Variants in ITPR2 observed in about 807,000 individuals in gnomAD.
ITPR2 encodes the protein inositol 1,4,5-trisphosphate-gated calcium channel ITPR2.
Under a neutral mutation model 317.1 loss-of-function variants are expected in ITPR2, and 207 were observed. The ratio of observed to expected loss-of-function variants is 0.65; its 90% CI spans 0.58 to 0.73. The LOEUF (loss-of-function observed/expected upper bound fraction) is 0.73. Ranked by LOEUF, ITPR2 falls within the 30% of genes least tolerant of loss-of-function variation. The probability of loss-of-function intolerance (pLI) is 0.00; values close to 1 mark genes in which losing one functional copy is unlikely to be tolerated. For missense variants in ITPR2, 2,613 were observed against 3,284.0 expected (o/e 0.80, Z 4.99); for synonymous variants, 1,156 against 1,149.1 (o/e 1.01, Z -0.12).
chr12:26,765,253 T>A (rs937252773), intron 2 of ITPR2, among the ~76,000 whole-genome samples: 4 of 152,142 alleles, frequency 2.6e-5, no homozygotes, highest in Admixed American at 1.3e-4. Flanking sequence ...ACAACCTATG[T>A]TAATTATAAA....
intron 1 of ITPR2, among the ~76,000 whole-genome samples, chr12:26,817,040 G>T (rs997552602): frequency 2.0e-5 from 3 of 151,882 alleles, no homozygotes; most frequent in Non-Finnish European, 4.4e-5. Flanking sequence ...AATTAGCCGG[G>T]CATGGTGGCA....
intron 21 of ITPR2, among the ~76,000 whole-genome samples, chr12:26,634,394 A>G (rs1946819712): frequency 6.6e-6 from 1 of 152,226 alleles, no homozygotes; most frequent in African/African-American, 2.4e-5. Flanking sequence ...CTTCTCAACC[A>G]TAATTAGTTA....
chr12:26,528,745 G>A (rs531560928), intron 37 of ITPR2, among the ~76,000 whole-genome samples: 2 of 152,276 alleles, frequency 1.3e-5, no homozygotes, highest in South Asian at 4.1e-4. Flanking sequence ...ATTTGTTTGA[G>A]GACACCTGGC....
chr12:26,587,596 G>A (rs1346037190), intron 32 of ITPR2, among the ~76,000 whole-genome samples: 2 of 152,124 alleles, frequency 1.3e-5, no homozygotes, highest in Admixed American at 6.6e-5. Flanking sequence ...AGGACAAGGG[G>A]AAGAAGGGTG....
In ITPR2 at chr12:26,475,435, A is replaced by AG. The variant is rs760741198; in HGVS notation, c.6220-18dup. ...CACATCCACCTATCCAAAAAAAAAA[A>AG]GAATATTGAAATGCCAGAAACAACA... is the stretch of plus-strand genomic sequence containing the variant. On this transcript the variant is annotated splice_polypyrimidine_tract_variant and intron_variant, in intron 44 of 56. Transcript: ENST00000381340. 2 of 1,597,772 alleles carry AG rather than the reference A, an allele frequency of 1.3e-6. No individual in the cohort carries two copies. Among genetic ancestry groups the AG allele is most frequent in the Admixed American group, 3.6e-5 (2 of 56,222 alleles).
intron 55 of ITPR2, among the ~76,000 whole-genome samples, chr12:26,355,236 A>T (rs1938599615): frequency 6.6e-6 from 1 of 152,258 alleles, no homozygotes; most frequent in Admixed American, 6.5e-5. Context: ...CTCATCGTAC[A>T]TGCTGATTTG....
chr12:26,477,034 C>T, intron 43 of ITPR2, 27 bp from the exon 44 acceptor site: 3 of 1,387,452 alleles, frequency 2.2e-6, no homozygotes, highest in Non-Finnish European at 2.0e-6. Flanking sequence ...AGTTAATGTG[C>T]ATGCAAAGTC....
intron 9 of ITPR2, among the ~76,000 whole-genome samples, chr12:26,705,252 T>A (rs1258724774): frequency 6.6e-6 from 1 of 152,182 alleles, no homozygotes; most frequent in Non-Finnish European, 1.5e-5. Context: ...TCCTGCATTC[T>A]GGTTTCCACT....
intron 32 of ITPR2, among the ~76,000 whole-genome samples, chr12:26,586,582 T>G (rs1300121839): frequency 6.6e-6 from 1 of 152,214 alleles, no homozygotes; most frequent in East Asian, 1.9e-4. Flanking sequence ...CTGGTTCAGG[T>G]TTTTTTCTAT....
intron 23 of ITPR2, among the ~76,000 whole-genome samples, chr12:26,626,951 C>T (rs1946635032): frequency 6.6e-6 from 1 of 150,394 alleles, no homozygotes; most frequent in East Asian, 1.9e-4. Flanking sequence ...CCTGACCTGT[C>T]CAAAAAAAAA....
At chr12:26,446,945 G>A (rs1229368442) in intron 45 of ITPR2, among the ~76,000 whole-genome samples, 2 of 151,902 alleles carry the variant, frequency 1.3e-5, no homozygotes, top group African/African-American at 4.8e-5. Flanking sequence ...AGAGGGTCTT[G>A]ACTCATGAGG....
At chr12:26,409,540 T>A (rs1000346863) in intron 52 of ITPR2, among the ~76,000 whole-genome samples, 70 of 151,216 alleles carry the variant, frequency 4.6e-4, no homozygotes, top group Non-Finnish European at 8.8e-5. Context: ...AAAAAAAAAA[T>A]TTCTGTAGCC....
chr12:26,732,473 C>T (rs1279201976), intron 2 of ITPR2, among the ~76,000 whole-genome samples: 1 of 152,130 alleles, frequency 6.6e-6, no homozygotes, highest in Non-Finnish European at 1.5e-5. Context: ...GTAGGGACAC[C>T]AATGCCACAC....
intron 32 of ITPR2, among the ~76,000 whole-genome samples, chr12:26,592,754 C>T (rs1407241043): frequency 1.3e-5 from 2 of 152,208 alleles, no homozygotes; most frequent in African/African-American, 4.8e-5. Flanking sequence ...ATCAGTTCTT[C>T]CAGAATGTCA....
chr12:26,457,547 C>T (rs73085207), intron 45 of ITPR2, among the ~76,000 whole-genome samples: 7,304 of 152,220 alleles, frequency 0.048, 369 homozygotes, highest in African/African-American at 0.12. Flanking sequence ...CTACAGAACG[C>T]GTGGATGAAC....
intron 2 of ITPR2, among the ~76,000 whole-genome samples, chr12:26,735,291 T>C (rs552543357): frequency 1.1e-4 from 17 of 152,342 alleles, no homozygotes; most frequent in Admixed American, 9.8e-4. Context: ...CGTGAGGTAC[T>C]GTGCCTGGCC....
At chr12:26,585,169 C>A (rs540679109) in intron 32 of ITPR2, among the ~76,000 whole-genome samples, 2 of 152,106 alleles carry the variant, frequency 1.3e-5, no homozygotes, top group East Asian at 3.9e-4. Context: ...CTATGATTAA[C>A]ATGTTGGAAT....
intron 1 of ITPR2, among the ~76,000 whole-genome samples, chr12:26,806,057 G>A (rs894157333): frequency 3.9e-5 from 6 of 152,170 alleles, no homozygotes; most frequent in African/African-American, 1.4e-4. Flanking sequence ...AGCAATCCAG[G>A]TAAGAAAAGT....
chr12:26,605,126 A>AAAAAAAATAT (rs1555165395), intron 26 of ITPR2, among the ~76,000 whole-genome samples: 13 of 136,318 alleles, frequency 9.5e-5, no homozygotes, highest in Admixed American at 2.9e-4. Context: ...AAAAAATAAA[A>AAAAAAAATAT]ATATATATAT....
Sources: allele counts gnomAD v4.1 joint callset (sites outside exome capture counted in the v4.1 genomes callset), GRCh38; gene constraint gnomAD v4.1.1; transcripts MANE v1.5; gene names NCBI Gene and HGNC (gene_info 2026-07-23, HGNC 2026-07-21).